The following LSAMP variants were observed in gnomAD, a reference collection of about 807,000 sequenced individuals.
LSAMP encodes the protein limbic system-associated membrane protein.
A neutral mutation model predicts 38.6 loss-of-function variants in LSAMP; 7 were observed. That is an observed-to-expected ratio of 0.18 (90% CI 0.10 to 0.34). The LOEUF (loss-of-function observed/expected upper bound fraction) is 0.34. Among genes scored for constraint, LSAMP ranks in the 10% least tolerant of loss-of-function variants. The pLI, the probability that LSAMP is intolerant of heterozygous loss-of-function variation, is 1.00. For missense variants in LSAMP, 313 were observed against 420.0 expected, an observed-to-expected ratio of 0.75 and a Z score of 2.23; for synonymous variants, 154 against 166.8, an observed-to-expected ratio of 0.92 and a Z score of 0.59.
At chr3:115,816,089 T>TG (rs1934007905) in intron 6 of LSAMP, among the ~76,000 whole-genome samples, 1 of 151,744 alleles carries the variant, frequency 6.6e-6, no homozygotes, top group African/African-American at 2.4e-5. Flanking sequence ...GTAAAGAGGG[T>TG]GGGGTCTGGC....
At chr3:116,393,118 G>A (rs548908640) in intron 1 of LSAMP, among the ~76,000 whole-genome samples, 19 of 152,164 alleles carry the variant, frequency 1.2e-4, no homozygotes, top group Non-Finnish European at 2.8e-4. Context: ...GGGACCTGCT[G>A]AATGTCGAGG....
chr3:116,354,130 C>T (rs2048187242), intron 1 of LSAMP, among the ~76,000 whole-genome samples: 1 of 152,128 alleles, frequency 6.6e-6, no homozygotes. Flanking sequence ...ATTTAAAAAG[C>T]TGTTAGCTAA....
chr3:116,267,964 C>A (rs900069348), intron 1 of LSAMP, among the ~76,000 whole-genome samples: 1 of 152,108 alleles, frequency 6.6e-6, no homozygotes, highest in African/African-American at 2.4e-5. Context: ...CTCTTCCTTG[C>A]ACCAGGAGGA....
intron 1 of LSAMP, among the ~76,000 whole-genome samples, chr3:116,329,016 A>G (rs2047813753): frequency 1.3e-5 from 2 of 152,172 alleles, no homozygotes; most frequent in Non-Finnish European, 2.9e-5. Flanking sequence ...ATAATGTAAA[A>G]CTTTACACAA....
intron 1 of LSAMP, among the ~76,000 whole-genome samples, chr3:116,187,349 T>A (rs1359864867): frequency 6.6e-6 from 1 of 152,144 alleles, no homozygotes; most frequent in African/African-American, 2.4e-5. Context: ...AGAAAGATGA[T>A]GAAAAATGAA....
At chr3:116,247,999 C>T (rs368374585) in intron 1 of LSAMP, among the ~76,000 whole-genome samples, 39 of 152,220 alleles carry the variant, frequency 2.6e-4, no homozygotes, top group African/African-American at 9.4e-4. Context: ...GAGTATGGTG[C>T]CCTTGGGAAG....
chr3:116,188,615 A>T (rs943709291), intron 1 of LSAMP, among the ~76,000 whole-genome samples: 1 of 152,176 alleles, frequency 6.6e-6, no homozygotes, highest in Non-Finnish European at 1.5e-5. Context: ...GATTCACACA[A>T]GCTTCTTTTA....
In LSAMP at chr3:115,812,185, C is replaced by T. The variant is rs72947901; in HGVS notation, c.920-1771G>A. Among the ~76,000 whole-genome samples, 685 of 152,220 alleles carry T rather than the reference C, an allele frequency of 4.5e-3. 7 individuals carry two copies. Among genetic ancestry groups the T allele is most frequent in the African/African-American group, 0.016 (657 of 41,534 alleles). ...ACATCACCCAATATAAAAATATGAA[C>T]ATATACAAACTTTGATCAGCATACA... On this transcript the variant is annotated intron_variant, in intron 6 of 6. Coordinates refer to ENST00000490035, the MANE Select transcript of LSAMP (RefSeq NM_002338.5).
At chr3:116,045,165 G>A (rs1025478011) in intron 2 of LSAMP, among the ~76,000 whole-genome samples, 3 of 152,120 alleles carry the variant, frequency 2.0e-5, no homozygotes. Flanking sequence ...CAAAAGGATC[G>A]TCTAACCTAA....
chr3:116,027,255 C>T (rs960967477), intron 2 of LSAMP, among the ~76,000 whole-genome samples: 1 of 152,142 alleles, frequency 6.6e-6, no homozygotes, highest in Non-Finnish European at 1.5e-5. Context: ...ATTTTATGCT[C>T]CTGATTTTGA....
At chr3:115,944,536 A>C (rs565269693) in intron 3 of LSAMP, among the ~76,000 whole-genome samples, 3 of 152,296 alleles carry the variant, frequency 2.0e-5, no homozygotes, top group Admixed American at 1.3e-4. Context: ...TGTTCTGCCA[A>C]TTCTGAAATA....
chr3:115,814,324 A>T (rs1933938330), intron 6 of LSAMP: 1 of 152,354 alleles, frequency 6.6e-6, no homozygotes, highest in Non-Finnish European at 1.5e-5. Context: ...TGAATGCTGG[A>T]TTGCACTTTC....
intron 1 of LSAMP, among the ~76,000 whole-genome samples, chr3:116,166,776 G>GTTTT (rs1231142461): frequency 2.3e-5 from 3 of 129,612 alleles, no homozygotes; most frequent in Admixed American, 7.7e-5. Flanking sequence ...AAAATTTTTA[G>GTTTT]TTTTTTTTTT....
chr3:116,049,250 C>T (rs1015316981), intron 2 of LSAMP, among the ~76,000 whole-genome samples: 2 of 152,128 alleles, frequency 1.3e-5, no homozygotes, highest in African/African-American at 4.8e-5. Flanking sequence ...CAGTTTTTGG[C>T]CACATAAGTG....
chr3:115,912,189 G>A (rs959582779), intron 3 of LSAMP, among the ~76,000 whole-genome samples: 3 of 151,800 alleles, frequency 2.0e-5, no homozygotes, highest in African/African-American at 4.8e-5. Flanking sequence ...TTCCTTTTAC[G>A]GACCATGCTT....
At chr3:116,040,921 A>G (rs1174505574) in intron 2 of LSAMP, among the ~76,000 whole-genome samples, 4 of 151,918 alleles carry the variant, frequency 2.6e-5, no homozygotes, top group African/African-American at 9.7e-5. Context: ...ATTTAATTGT[A>G]TTTATTTATT....
intron 3 of LSAMP, among the ~76,000 whole-genome samples, chr3:115,878,490 C>G (rs1454356669): frequency 2.2e-5 from 2 of 91,198 alleles, no homozygotes; most frequent in Non-Finnish European, 2.0e-5. Context: ...TTGACAGACT[C>G]TTGCTCTGTT....
At chr3:116,124,273 C>T (rs942731238) in intron 1 of LSAMP, among the ~76,000 whole-genome samples, 1 of 152,128 alleles carries the variant, frequency 6.6e-6, no homozygotes, top group African/African-American at 2.4e-5. Context: ...GAATAGAAGA[C>T]CTACCATTCA....
chr3:116,377,286 G>C (rs1426724891), intron 1 of LSAMP, among the ~76,000 whole-genome samples: 1 of 151,878 alleles, frequency 6.6e-6, no homozygotes, highest in East Asian at 1.9e-4. Context: ...GTGTCCATGT[G>C]TTCTCATTGT....
Sources: gnomAD v4.1 joint callset for allele counts (sites outside exome capture counted in the v4.1 genomes callset) on GRCh38, gnomAD v4.1.1 for gene constraint, MANE v1.5 for transcripts, NCBI Gene and HGNC (gene_info 2026-07-23, HGNC 2026-07-21) for gene names.